The following DYNC2LI1 variants were observed in gnomAD, a reference collection of about 807,000 sequenced individuals.
The protein encoded by DYNC2LI1 is cytoplasmic dynein 2 light intermediate chain 1.
Under a neutral mutation model 51.9 loss-of-function variants are expected in DYNC2LI1, and 45 were observed. That is an observed-to-expected ratio of 0.87 (90% CI 0.68 to 1.11). The LOEUF is 1.11. Among genes scored for constraint, DYNC2LI1 ranks in the 50% most tolerant of loss-of-function variants. DYNC2LI1 has a pLI of 0.00. For synonymous variants in DYNC2LI1, 130 were observed against 137.8 expected, an observed-to-expected ratio of 0.94 and a Z score of 0.40; for missense variants, 490 against 417.4, an observed-to-expected ratio of 1.17 and a Z score of -1.51.
At chr2:43,803,845 A>G (rs1666150543) in intron 10 of DYNC2LI1, among the ~76,000 whole-genome samples, 1 of 152,214 alleles carries the variant, frequency 6.6e-6, no homozygotes, top group African/African-American at 2.4e-5. Flanking sequence ...AAGATGGGAA[A>G]TATCCAGTTA....
chr2:43,813,986 G>A (rs1666656844), downstream of DYNC2LI1, among the ~76,000 whole-genome samples: 1 of 152,070 alleles, frequency 6.6e-6, no homozygotes, highest in Non-Finnish European at 1.5e-5. Context: ...AAAGTGCTGG[G>A]ATTACAGGCG....
chr2:43,809,098 C>G (rs1666384803), intron 12 of DYNC2LI1, among the ~76,000 whole-genome samples: 1 of 152,068 alleles, frequency 6.6e-6, no homozygotes, highest in South Asian at 2.1e-4. Flanking sequence ...AAGCGATCCT[C>G]CCACCTCAGA....
At chr2:43,797,915 C>G (rs1665938596) in intron 8 of DYNC2LI1, among the ~76,000 whole-genome samples, 1 of 152,100 alleles carries the variant, frequency 6.6e-6, no homozygotes, top group African/African-American at 2.4e-5. Context: ...CATTTGAGCT[C>G]AGGAGTTTCA....
chr2:43,800,713 A>G lies in DYNC2LI1; in HGVS notation c.655-128A>G, dbSNP rs920508836. The G allele has an allele frequency of 9.9e-6, 5 of 502,788 alleles. No individual in the cohort carries two copies. The Admixed American group carries it at 1.2e-4, about 12-fold the overall frequency. 31.1% of individuals were successfully genotyped at this position (502,788 alleles called of 1,614,324 possible). On this transcript the variant is annotated intron_variant, in intron 8 of 12. Coordinates refer to ENST00000260605, the MANE Select transcript of DYNC2LI1 (RefSeq NM_016008.4). Reference sequence around the variant, plus strand: ...GGTTTTGTTTTGTCTACTCAAACAGAAGTATTTGCTGGGCAACAAAACAGT... The same window carrying G: ...GGTTTTGTTTTGTCTACTCAAACAGGAGTATTTGCTGGGCAACAAAACAGT...
intron 12 of DYNC2LI1, among the ~76,000 whole-genome samples, chr2:43,807,287 A>G (rs765174589): frequency 6.6e-6 from 1 of 152,100 alleles, no homozygotes; most frequent in Non-Finnish European, 1.5e-5. Flanking sequence ...TTAATTATTT[A>G]AAGTTCTGTC....
chr2:43,793,238 C>G (rs2104693240), intron 5 of DYNC2LI1: 1 of 152,672 alleles, frequency 6.5e-6, no homozygotes, highest in Non-Finnish European at 1.5e-5. Context: ...CTTTGGGAGG[C>G]TGAGGTGGGT....
chr2:43,794,979 A>T, intron 6 of DYNC2LI1: 1 of 1,216,768 alleles, frequency 8.2e-7, no homozygotes, highest in Non-Finnish European at 1.0e-6. Flanking sequence ...AAGTCACCTG[A>T]CAAAGACTAG....
chr2:43,822,204 A>T, the DYNC2LI1 span, among the ~76,000 whole-genome samples: 1 of 151,820 alleles, frequency 6.6e-6, no homozygotes, highest in Non-Finnish European at 1.5e-5. Flanking sequence ...CCTGACTTGC[A>T]CCCCCATGAC....
chr2:43,823,979 C>T, the DYNC2LI1 span: 28 of 1,614,088 alleles, frequency 1.7e-5, no homozygotes, highest in Middle Eastern at 3.3e-4. Context: ...AGGAGACCTA[C>T]GCGGTCCTGG....
chr2:43,777,916 G>T (rs1673098606), intron 2 of DYNC2LI1, among the ~76,000 whole-genome samples: 1 of 152,134 alleles, frequency 6.6e-6, no homozygotes, highest in Non-Finnish European at 1.5e-5. Context: ...GGACACAAGT[G>T]TCATACATGA....
Position 43,796,798 on chromosome 2 carries a change from TTG to T in DYNC2LI1, c.654+5_654+6del, listed in dbSNP as rs1353124137. The T allele has an allele frequency of 1.2e-6, 2 of 1,612,724 alleles. No individual in the cohort carries two copies. The highest frequency in any genetic ancestry group is 2.7e-5 in the African/African-American group (2 of 74,902). ...ATTATTATGGAGCATCATTAATGGT[TTG>T]TACATTTCTTGTCCTTTGGGCTTGA... On this transcript the variant is annotated splice_donor_5th_base_variant and intron_variant, in intron 8 of 12. Transcript: ENST00000260605.
At chr2:43,801,473 A>G (rs1043829467) in intron 9 of DYNC2LI1, 166 bp from the exon 10 acceptor site, 10 of 479,936 alleles carry the variant, frequency 2.1e-5, no homozygotes, top group Non-Finnish European at 3.7e-5. Flanking sequence ...CTATATGTTA[A>G]TTTTTGAAAT....
chr2:43,790,950 C>T (rs996546605), intron 5 of DYNC2LI1, among the ~76,000 whole-genome samples: 2 of 152,144 alleles, frequency 1.3e-5, no homozygotes, highest in Admixed American at 6.5e-5. Context: ...TGCGGTGGCT[C>T]AGGCCTGTAA....
At position 43,774,105 on chromosome 2, in the gene DYNC2LI1, G is replaced by A. The variant is rs371628426; in HGVS notation, c.-34G>A. The A allele has an allele frequency of 1.8e-5, 29 of 1,613,434 alleles. No homozygotes were observed. The highest frequency in any genetic ancestry group is 4.5e-5 in the East Asian group (2 of 44,846). On this transcript the variant is annotated 5_prime_UTR_variant, in exon 1 of 13. Coordinates refer to ENST00000260605, the MANE Select transcript of DYNC2LI1 (RefSeq NM_016008.4). ...GATTCTAGGCTGGTCACTACTCCGAGCCTGTGACGTTTGCGGCAGCCAGGC... is the reference window on the plus strand; with the variant it reads ...GATTCTAGGCTGGTCACTACTCCGAACCTGTGACGTTTGCGGCAGCCAGGC...
chr2:43,814,427 G>C (rs185564936), downstream of DYNC2LI1: 2 of 1,165,144 alleles, frequency 1.7e-6, no homozygotes, highest in African/African-American at 1.5e-5. Context: ...CCAAGAAATT[G>C]CTTCCTCAGA....
intron 2 of DYNC2LI1, among the ~76,000 whole-genome samples, chr2:43,779,409 T>C (rs949013011): frequency 3.3e-5 from 5 of 152,238 alleles, no homozygotes; most frequent in African/African-American, 1.2e-4. Context: ...GCCTTCTCTT[T>C]CTCCTTCCAA....
chr2:43,816,691 G>A, the DYNC2LI1 span, among the ~76,000 whole-genome samples: 5 of 152,228 alleles, frequency 3.3e-5, no homozygotes, highest in East Asian at 1.9e-4. Context: ...TTACAGGCAC[G>A]TGACACCACA....
At chr2:43,827,186 G>A in the DYNC2LI1 span, among the ~76,000 whole-genome samples, 6 of 152,224 alleles carry the variant, frequency 3.9e-5, no homozygotes, top group South Asian at 4.1e-4. Flanking sequence ...TTAGCCGGGT[G>A]TGGTGGCAGG....
chr2:43,806,965 G>A (rs1004900691), intron 12 of DYNC2LI1, among the ~76,000 whole-genome samples: 14 of 152,020 alleles, frequency 9.2e-5, no homozygotes, highest in Non-Finnish European at 7.4e-5. Flanking sequence ...TATTTGTGTG[G>A]TTTTAGACGA....
Sources: gnomAD v4.1 joint callset for allele counts (sites outside exome capture counted in the v4.1 genomes callset) on GRCh38, gnomAD v4.1.1 for gene constraint, MANE v1.5 for transcripts, NCBI Gene and HGNC (gene_info 2026-07-23, HGNC 2026-07-21) for gene names.